The following RPE variants were observed in gnomAD, a reference collection of about 807,000 sequenced individuals.
RPE encodes the protein ribulose-phosphate 3-epimerase.
Under a neutral mutation model 24.6 loss-of-function variants are expected in RPE, and 16 were observed. The ratio of observed to expected loss-of-function variants is 0.65; its 90% CI spans 0.44 to 0.99. The LOEUF is 0.99. Ranked by LOEUF, RPE falls within the 50% of genes least tolerant of loss-of-function variation. RPE has a pLI of 0.00. For missense variants in RPE, 240 were observed against 294.5 expected (o/e 0.81, Z 1.35); for synonymous variants, 93 against 98.4 (o/e 0.94, Z 0.33).
At chr2:210,008,525 CCCTTGTGATCTGCCA>C (rs2093660698) in intron 1 of RPE, among the ~76,000 whole-genome samples, 1 of 148,696 alleles carries the variant, frequency 6.7e-6, no homozygotes, top group African/African-American at 2.5e-5. Context: ...TGAACACCTG[CCCTTGTGATCTGCCA>C]CCTTGTTCTC....
rs200923738 is a variant in RPE at position 210,018,210 on chromosome 2, C to T, written c.564+651C>T. On this transcript the variant is annotated intron_variant, in intron 5 of 5. Coordinates refer to ENST00000359429, the MANE Select transcript of RPE (RefSeq NM_199229.3). ...GGAAGTGAGAAATTTTTCCAAAATA[C>T]GGAATTAAAAGGTACTACCAAGGGG... 4,244 of 1,533,716 alleles carry T rather than the reference C, an allele frequency of 2.8e-3. 5 individuals are homozygous for T. The highest frequency in any genetic ancestry group is 3.5e-3 in the Non-Finnish European group (4,066 of 1,146,070).
At chr2:210,005,213 A>G (rs1252031438) in intron 1 of RPE, among the ~76,000 whole-genome samples, 1 of 151,336 alleles carries the variant, frequency 6.6e-6, no homozygotes, top group Non-Finnish European at 1.5e-5. Flanking sequence ...GTGGCCAGCC[A>G]CAATGTCCCT....
intron 2 of RPE, among the ~76,000 whole-genome samples, chr2:210,013,064 G>A (rs184972501): frequency 1.3e-5 from 2 of 152,190 alleles, no homozygotes; most frequent in African/African-American, 4.8e-5. Context: ...TTTAAGATAG[G>A]CTAGGCTAAG....
At chr2:210,014,044 A>G (rs1042034698) in intron 2 of RPE, among the ~76,000 whole-genome samples, 1 of 152,116 alleles carries the variant, frequency 6.6e-6, no homozygotes, top group Non-Finnish European at 1.5e-5. Flanking sequence ...TAAGGATGAC[A>G]TAGCTAGCAG....
At position 210,016,057 on chromosome 2, in the gene RPE, A is replaced by G; in HGVS notation, c.287A>G (p.Glu96Gly). The change falls in exon 3 of 6, where the codon GAG becomes GGG. Residue 96 changes from glutamate to glycine, a missense_variant. Glu to Gly is a moderately conservative substitution (Grantham distance 98). Coordinates refer to ENST00000359429, the MANE Select transcript of RPE (RefSeq NM_199229.3). Reference protein sequence around the residue: ...AGANQYTFHLEATENPGALIK... With the variant: ...AGANQYTFHLGATENPGALIK... ...GCCAATCAGTACACCTTTCATCTCGAGGCTACTGAGAACCCAGGGGCTTTG... is the reference window on the plus strand; with the variant it reads ...GCCAATCAGTACACCTTTCATCTCGGGGCTACTGAGAACCCAGGGGCTTTG... 1 of 1,614,232 alleles carries G rather than the reference A, an allele frequency of 6.2e-7. No individual in the cohort carries two copies. Among genetic ancestry groups the G allele is most frequent in the Non-Finnish European group, 8.5e-7 (1 of 1,180,040 alleles).
chr2:210,006,427 C>G (rs1030365290), intron 1 of RPE, among the ~76,000 whole-genome samples: 1 of 152,036 alleles, frequency 6.6e-6, no homozygotes, highest in African/African-American at 2.4e-5. Flanking sequence ...ACTACTGATG[C>G]ATTCTTGTTC....
intron 2 of RPE, among the ~76,000 whole-genome samples, chr2:210,013,788 C>T (rs2125076347): frequency 6.6e-6 from 1 of 152,208 alleles, no homozygotes; most frequent in East Asian, 1.9e-4. Context: ...TGAGCCACCG[C>T]ACCTAGCCAT....
intron 5 of RPE, chr2:210,018,440 C>T (rs1329409031): frequency 3.0e-6 from 3 of 984,120 alleles, no homozygotes; most frequent in African/African-American, 1.8e-5. Flanking sequence ...AGTCAGGCTC[C>T]TGAGGATGCC....
rs1057264624 is a variant in RPE, at chr2:210,020,784, G to A, written c.*993G>A. The A allele has an allele frequency of 1.3e-5, 2 of 158,176 alleles. No homozygotes were observed. Among genetic ancestry groups the A allele is most frequent in the African/African-American group, 4.8e-5 (2 of 41,434 alleles). The allele number at this position is 158,176 out of a possible 1,614,324, so 9.8% of individuals were successfully genotyped here. A position where few individuals can be genotyped will look rare whatever the true frequency, so the allele number is the denominator to read the frequency against. On this transcript the variant is annotated 3_prime_UTR_variant, in exon 6 of 6. Coordinates refer to ENST00000359429, the MANE Select transcript of RPE (RefSeq NM_199229.3). ...TGTAAATCACCTCTATAAGTAAGTG[G>A]TAATAATAAAGCAGATATTTTTGTC... is the stretch of plus-strand genomic sequence containing the variant.
Position 210,016,495 on chromosome 2 carries a change from T to C in RPE, c.343-12T>C. The C allele has an allele frequency of 6.2e-7, 1 of 1,614,216 alleles. No individual in the cohort carries two copies. The highest frequency in any genetic ancestry group is 8.5e-7 in the Non-Finnish European group (1 of 1,180,042). ...TTGTAAATGTGATATAGCATATTTGTGTCTGTTACAGGTTGGCCTTGCCAT... is the reference window on the plus strand; with the variant it reads ...TTGTAAATGTGATATAGCATATTTGCGTCTGTTACAGGTTGGCCTTGCCAT... On this transcript the variant is annotated splice_polypyrimidine_tract_variant and intron_variant, in intron 3 of 5. Transcript: ENST00000359429.
At chr2:210,005,984 A>G (rs374623868) in intron 1 of RPE, among the ~76,000 whole-genome samples, 64 of 152,332 alleles carry the variant, frequency 4.2e-4, no homozygotes, top group African/African-American at 1.5e-3. Context: ...AGGAGTGATG[A>G]TGGAACATGA....
chr2:210,008,577 G>C (rs1340964309), intron 1 of RPE, among the ~76,000 whole-genome samples: 1 of 110,196 alleles, frequency 9.1e-6, no homozygotes, highest in Non-Finnish European at 1.9e-5. Context: ...ACAGGTGTGA[G>C]CCACCATGCC....
Position 210,006,879 on chromosome 2 carries a change from A to G in RPE, c.123-2778A>G, listed in dbSNP as rs1307109498. Reference sequence around the variant, plus strand: ...TTAAACCTCCAAAGACCAAGGTGTTATTGAGTGAAAGTGTCTGTTCCCATC... The same window carrying G: ...TTAAACCTCCAAAGACCAAGGTGTTGTTGAGTGAAAGTGTCTGTTCCCATC... On this transcript the variant is annotated intron_variant, in intron 1 of 5. Coordinates refer to ENST00000359429, the MANE Select transcript of RPE (RefSeq NM_199229.3). Among the ~76,000 whole-genome samples, 4 of 152,160 alleles carry G rather than the reference A, an allele frequency of 2.6e-5. No individual in the cohort carries two copies. In the East Asian group the frequency reaches 5.8e-4, roughly 22 times the overall value.
Position 210,019,879 on chromosome 2 carries a change from A to G in RPE, c.*88A>G. Reference sequence around the variant, plus strand: ...TGACTACCAAATCACAATGCAATTGAAGCCGTACTGCTTTTTTGAGCAGTT... The same window carrying G: ...TGACTACCAAATCACAATGCAATTGGAGCCGTACTGCTTTTTTGAGCAGTT... On this transcript the variant is annotated 3_prime_UTR_variant, in exon 6 of 6. Transcript: ENST00000359429. 1 of 1,471,774 alleles carries G rather than the reference A, an allele frequency of 6.8e-7. No homozygotes were observed. Among genetic ancestry groups the G allele is most frequent in the Non-Finnish European group, 9.1e-7 (1 of 1,098,332 alleles). 91.2% of individuals were successfully genotyped at this position (1,471,774 alleles called of 1,614,324 possible).
Position 210,002,678 on chromosome 2 carries a change from A to T in RPE, c.17A>T (p.Lys6Met). 1 of 1,613,736 alleles carries T rather than the reference A, an allele frequency of 6.2e-7. No homozygotes were observed. Among genetic ancestry groups the T allele is most frequent in the Middle Eastern group, 1.7e-4 (1 of 6,056 alleles). The change falls in exon 1 of 6, where the codon AAG becomes ATG. Residue 6 changes from lysine (K) to methionine (M), a missense_variant. Transcript: ENST00000359429. ...GCCAGCGGTATGGCGTCGGGCTGCA[A>T]GATTGGCCCGTCCATCCTCAACAGC... MASGC[K>M]IGPSILNSDL...
At chr2:210,009,268 G>A (rs1575302740) in intron 1 of RPE, among the ~76,000 whole-genome samples, 1 of 152,156 alleles carries the variant, frequency 6.6e-6, no homozygotes, top group Admixed American at 6.5e-5. Context: ...GTGATTAGAA[G>A]TAGCCACAGG....
chr2:210,017,935 G>C (rs1414622540), intron 5 of RPE: 6 of 550,164 alleles, frequency 1.1e-5, no homozygotes, highest in Non-Finnish European at 1.6e-5. Flanking sequence ...AGTAGAGACA[G>C]GGTTTCACTA....
intron 1 of RPE, 134 bp downstream of exon 1, chr2:210,002,917 G>T (rs2093580820): frequency 6.5e-7 from 1 of 1,544,078 alleles, no homozygotes; most frequent in Admixed American, 1.9e-5. Context: ...TAGAAGGGGT[G>T]TGGGGTAGGA....
intron 1 of RPE, among the ~76,000 whole-genome samples, chr2:210,009,134 C>T (rs767069297): frequency 1.3e-5 from 2 of 152,200 alleles, no homozygotes; most frequent in Non-Finnish European, 2.9e-5. Context: ...AAGTAAATTA[C>T]GATGCTTGGC....
Sources: allele counts gnomAD v4.1 joint callset (sites outside exome capture counted in the v4.1 genomes callset), GRCh38; gene constraint gnomAD v4.1.1; transcripts MANE v1.5; gene names NCBI Gene and HGNC (gene_info 2026-07-23, HGNC 2026-07-21).